The following MGA variants were observed in gnomAD, a reference collection of about 807,000 sequenced individuals.
MGA encodes MAX gene-associated protein.
Under a neutral mutation model 261.1 loss-of-function variants are expected in MGA, and 40 were observed. The observed-to-expected ratio is 0.15, with a 90% CI of 0.12 to 0.20. The LOEUF is 0.20. Ranked by LOEUF, MGA falls within the 10% of genes least tolerant of loss-of-function variation. The pLI, the probability that MGA is intolerant of heterozygous loss-of-function variation, is 1.00. For missense variants in MGA, 3,397 were observed against 3,630.5 expected (o/e 0.94, Z 1.65); for synonymous variants, 1,302 against 1,290.6 (o/e 1.01, Z -0.19).
Position 41,754,425 on chromosome 15 carries a change from G to A in MGA, c.7009-12G>A, listed in dbSNP as rs1338801362. ...TCAATACATTATTTACTTTTATAAT[G>A]ATGTATTTCAGAATAACTGTGTAGA... On this transcript the variant is annotated splice_polypyrimidine_tract_variant and intron_variant, in intron 17 of 23. Coordinates refer to ENST00000219905, the MANE Select transcript of MGA (RefSeq NM_001164273.2). The A allele has an allele frequency of 5.9e-6, 9 of 1,528,064 alleles. No individual in the cohort carries two copies. Among genetic ancestry groups the A allele is most frequent in the Non-Finnish European group, 7.9e-6 (9 of 1,137,514 alleles). The allele number at this position is 1,528,064 out of a possible 1,614,324, so 94.7% of individuals were successfully genotyped here.
At position 41,710,974 on chromosome 15, in the gene MGA, A is replaced by C. The variant is rs753113396; in HGVS notation, c.2709A>C (p.Arg903Ser). The stretch of plus-strand genomic sequence containing the variant: ...CTCGAAAGGCAAAGTCTCAAAACAG[A>C]CAGGCAACTTTCAGTGGCCGAACTA... The change falls in exon 8 of 24, where the codon AGA becomes AGC. Residue 903 changes from arginine to serine, a missense_variant. Arg to Ser is a moderately radical substitution (Grantham distance 110, BLOSUM62 -1). Around this residue, in one of 9 missense-constraint regions of MGA, gnomAD observed 519 missense variants for 554.1 expected, o/e 0.94. Transcript: ENST00000219905. The C allele has an allele frequency of 1.2e-6, 2 of 1,614,006 alleles. No individual in the cohort carries two copies. The highest frequency in any genetic ancestry group is 8.5e-7 in the Non-Finnish European group (1 of 1,179,890).
At position 41,769,493 on chromosome 15, in the gene MGA, T is replaced by G. The variant is rs1359104417; in HGVS notation, c.*2213T>G. 1 of 152,110 alleles carries G rather than the reference T, an allele frequency of 6.6e-6. No homozygotes were observed. Among genetic ancestry groups the G allele is most frequent in the Non-Finnish European group, 1.5e-5 (1 of 68,010 alleles). The allele number at this position is 152,110 out of a possible 1,614,324, so 9.4% of individuals were successfully genotyped here. The stretch of plus-strand genomic sequence containing the variant: ...GTTCTCAAGACCTCTTAGAACTAGG[T>G]GTTGTCAGGGATAATTTGAGGAGGG... On this transcript the variant is annotated 3_prime_UTR_variant, in exon 24 of 24. Transcript: ENST00000219905.
chr15:41,758,274 G>A (rs1398693696), intron 19 of MGA, among the ~76,000 whole-genome samples: 3 of 152,068 alleles, frequency 2.0e-5, no homozygotes, highest in Non-Finnish European at 4.4e-5. Flanking sequence ...TTATATCATA[G>A]TAACATAATT....
At position 41,767,334 on chromosome 15, in the gene MGA, C is replaced by T. The variant is rs2063851100; in HGVS notation, c.*54C>T. On this transcript the variant is annotated 3_prime_UTR_variant, in exon 24 of 24. Transcript: ENST00000219905. ...CTGTGAGGGGAAATAGATCTCACCT[C>T]CTTTCTCTGCAGGCATCTGTTTGTT... 4.6e-6 allele frequency: 7 copies of T among 1,517,854 alleles called. No individual in the cohort carries two copies. The highest frequency in any genetic ancestry group is 1.3e-5 in the South Asian group (1 of 79,864). 94.0% of individuals were successfully genotyped at this position (1,517,854 alleles called of 1,614,324 possible). A position where few individuals can be genotyped will look rare whatever the true frequency, so the allele number is the denominator to read the frequency against.
chr15:41,637,975 A>G (rs1595552808), intron 1 of MGA, among the ~76,000 whole-genome samples: 1 of 127,650 alleles, frequency 7.8e-6, no homozygotes, highest in Non-Finnish European at 1.6e-5. Context: ...CAGGTGGTCC[A>G]CCGCCTCGGC....
chr15:41,673,271 G>A (rs1223460886), intron 2 of MGA, among the ~76,000 whole-genome samples: 1 of 151,850 alleles, frequency 6.6e-6, no homozygotes, highest in East Asian at 1.9e-4. Flanking sequence ...AGGCTGAAGT[G>A]CAGTGGTGTG....
intron 15 of MGA, 121 bp from the exon 16 acceptor site, chr15:41,748,516 A>G (rs1159434483): frequency 1.4e-5 from 16 of 1,120,130 alleles, no homozygotes; most frequent in Non-Finnish European, 2.0e-5. Context: ...AGGTTGTGTC[A>G]TTGCACTCCA....
chr15:41,728,333 A>AAACAAC (rs1186655030), intron 10 of MGA, among the ~76,000 whole-genome samples: 2 of 152,116 alleles, frequency 1.3e-5, no homozygotes, highest in Admixed American at 1.3e-4. Context: ...TCCATCTCAA[A>AAACAAC]AACAACAACA....
Position 41,762,173 on chromosome 15 carries a change from G to A in MGA, c.7555G>A (p.Ala2519Thr), listed in dbSNP as rs1596018391. 1 of 1,613,814 alleles carries A rather than the reference G, an allele frequency of 6.2e-7. No individual in the cohort carries two copies. The highest frequency in any genetic ancestry group is 8.5e-7 in the Non-Finnish European group (1 of 1,179,822). The change falls in exon 22 of 24, where the codon GCA becomes ACA. Residue 2519 changes from alanine (A) to threonine (T), a missense_variant. Coordinates refer to ENST00000219905, the MANE Select transcript of MGA (RefSeq NM_001164273.2). ...CCTGAAGAAGCTAGAGTATATTTAT[G>A]CAAAACAGCAAGCACTAGAGGCACA...
At chr15:41,640,434 A>C (rs928567662) in intron 1 of MGA, among the ~76,000 whole-genome samples, 1 of 152,182 alleles carries the variant, frequency 6.6e-6, no homozygotes, top group African/African-American at 2.4e-5. Context: ...GAAGCGATAC[A>C]GTTTCTTATC....
At chr15:41,746,169 A>G (rs190339319) in intron 15 of MGA, among the ~76,000 whole-genome samples, 149 of 152,288 alleles carry the variant, frequency 9.8e-4, no homozygotes, top group Non-Finnish European at 1.6e-3. Context: ...ATGTTTTTGA[A>G]TCACTCTCTA....
intron 2 of MGA, among the ~76,000 whole-genome samples, chr15:41,689,600 C>T (rs542833877): frequency 2.0e-5 from 3 of 147,994 alleles, no homozygotes; most frequent in African/African-American, 7.5e-5. Flanking sequence ...GAGTCTCACT[C>T]TGTCACCCAG....
chr15:41,703,450 A>G (rs929877466), intron 5 of MGA, among the ~76,000 whole-genome samples: 1 of 137,374 alleles, frequency 7.3e-6, no homozygotes, highest in Non-Finnish European at 1.5e-5. Flanking sequence ...CTCACACTTA[A>G]TGTGCAAGAA....
chr15:41,639,208 G>A (rs1379543659), intron 1 of MGA, among the ~76,000 whole-genome samples: 1 of 151,948 alleles, frequency 6.6e-6, no homozygotes, highest in Non-Finnish European at 1.5e-5. Context: ...TTTCTTTTGT[G>A]TGTTTTTCCT....
upstream of MGA, among the ~76,000 whole-genome samples, chr15:41,656,333 C>CTTCTCTT (rs1566936348): frequency 2.0e-5 from 1 of 50,268 alleles, no homozygotes; most frequent in African/African-American, 4.6e-5. Flanking sequence ...TCTCTCTCTC[C>CTTCTCTT]CTCTCCTCTC....
intron 11 of MGA, among the ~76,000 whole-genome samples, chr15:41,731,733 G>A (rs972009507): frequency 1.3e-5 from 2 of 152,148 alleles, no homozygotes; most frequent in African/African-American, 4.8e-5. Context: ...TATACACTAT[G>A]CCATTTGATT....
At chr15:41,710,091 C>T (rs375300645) in intron 7 of MGA, among the ~76,000 whole-genome samples, 49 of 152,186 alleles carry the variant, frequency 3.2e-4, no homozygotes, top group Admixed American at 1.2e-3. Flanking sequence ...CCTCCCAAAG[C>T]GCTGGGATTG....
intron 1 of MGA, among the ~76,000 whole-genome samples, chr15:41,640,548 C>A (rs2056800751): frequency 6.6e-6 from 1 of 151,486 alleles, no homozygotes; most frequent in African/African-American, 2.4e-5. Flanking sequence ...GAGATGGAAT[C>A]TCGCTCTGTC....
At position 41,750,785 on chromosome 15, in the gene MGA, T is replaced by C. The variant is rs2062786428; in HGVS notation, c.7008+170T>C. 4 of 598,102 alleles carry C rather than the reference T, an allele frequency of 6.7e-6. No individual in the cohort carries two copies. The East Asian group carries it at 1.1e-4, about 17-fold the overall frequency. 37.0% of individuals were successfully genotyped at this position (598,102 alleles called of 1,614,324 possible). A position where few individuals can be genotyped will look rare whatever the true frequency, so the allele number is the denominator to read the frequency against. ...TTCTTTAGGCTGTGTCAATCAAGCA[T>C]CATTTATTGAGCTTTTATTCTTTGA... On this transcript the variant is annotated intron_variant, in intron 17 of 23. Coordinates refer to ENST00000219905, the MANE Select transcript of MGA (RefSeq NM_001164273.2).
Sources: gnomAD v4.1 joint callset for allele counts (sites outside exome capture counted in the v4.1 genomes callset) on GRCh38, gnomAD v4.1.1 for gene constraint, gnomAD v4.1.1 regional missense constraint, MANE v1.5 for transcripts, NCBI Gene and HGNC (gene_info 2026-07-23, HGNC 2026-07-21) for gene names.